Variants in DAB1 observed in about 807,000 individuals in gnomAD.
DAB1 encodes DAB adaptor protein 1.
In DAB1, 15 loss-of-function variants were observed where a neutral mutation model predicts 64.6. That is an observed-to-expected ratio of 0.23 (90% CI 0.16 to 0.36). The LOEUF (loss-of-function observed/expected upper bound fraction) is 0.36. Among genes scored for constraint, DAB1 ranks in the 10% least tolerant of loss-of-function variants. DAB1 has a pLI of 1.00. For synonymous variants in DAB1, 235 were observed against 251.9 expected (o/e 0.93, Z 0.64); for missense variants, 596 against 706.7 (o/e 0.84, Z 1.78).
intron 1 of DAB1, among the ~76,000 whole-genome samples, chr1:57,379,128 G>A (rs1328156860): frequency 6.6e-6 from 1 of 151,986 alleles, no homozygotes; most frequent in African/African-American, 2.4e-5. Flanking sequence ...CTAAAGATTA[G>A]AAAGAAGCGG....
chr1:57,579,073 C>T (rs1301242937), intron 7 of DAB1, among the ~76,000 whole-genome samples: 1 of 152,148 alleles, frequency 6.6e-6, no homozygotes, highest in Non-Finnish European at 1.5e-5. Flanking sequence ...TATAAAGATC[C>T]CACAGAGTTT....
chr1:57,264,669 A>C (rs1389135028), intron 2 of DAB1, among the ~76,000 whole-genome samples: 1 of 150,904 alleles, frequency 6.6e-6, no homozygotes, highest in Non-Finnish European at 1.5e-5. Flanking sequence ...ATGACGCCTA[A>C]ACATTGAGAG....
chr1:57,453,409 G>A (rs1239436267), intron 7 of DAB1, among the ~76,000 whole-genome samples: 1 of 152,080 alleles, frequency 6.6e-6, no homozygotes, highest in Admixed American at 6.6e-5. Context: ...CTGGTTAGTT[G>A]GAGAAACATC....
chr1:57,019,127 C>T (rs1646530345), intron 11 of DAB1, among the ~76,000 whole-genome samples: 1 of 152,208 alleles, frequency 6.6e-6, no homozygotes, highest in Admixed American at 6.5e-5. Context: ...TCTATCTTCC[C>T]TGATGAGACT....
At chr1:57,710,327 A>C (rs1413512884) in intron 6 of DAB1, among the ~76,000 whole-genome samples, 2 of 152,176 alleles carry the variant, frequency 1.3e-5, no homozygotes, top group South Asian at 4.1e-4. Flanking sequence ...TTAGAGTTTC[A>C]TACTACGGAA....
chr1:58,247,257 T>TCC (rs1557712867), intron 4 of DAB1, among the ~76,000 whole-genome samples: 6 of 101,440 alleles, frequency 5.9e-5, no homozygotes, highest in East Asian at 9.4e-4. Flanking sequence ...CATTTTTCAT[T>TCC]TCCCCCCCCG....
At chr1:57,877,276 C>T (rs1644061937) in intron 1 of DAB1, among the ~76,000 whole-genome samples, 1 of 152,108 alleles carries the variant, frequency 6.6e-6, no homozygotes. Flanking sequence ...TTTTGAAAGC[C>T]AACTAAAGTT....
intron 5 of DAB1, among the ~76,000 whole-genome samples, chr1:57,911,764 G>A (rs916569012): frequency 1.3e-5 from 2 of 152,182 alleles, no homozygotes; most frequent in African/African-American, 2.4e-5. Context: ...GCATGGGCTG[G>A]TAAGCATCCA....
intron 4 of DAB1, among the ~76,000 whole-genome samples, chr1:57,096,242 A>T (rs780005046): frequency 1.2e-4 from 18 of 152,136 alleles, no homozygotes; most frequent in Non-Finnish European, 2.9e-5. Context: ...GGTTTTTTTC[A>T]AAATCCACAA....
chr1:58,245,544 G>A (rs1481431357), intron 4 of DAB1, among the ~76,000 whole-genome samples: 1 of 152,138 alleles, frequency 6.6e-6, no homozygotes, highest in Non-Finnish European at 1.5e-5. Context: ...CTGCCTCTGG[G>A]TGCTCACAGA....
intron 7 of DAB1, among the ~76,000 whole-genome samples, chr1:57,551,926 C>T (rs1414632284): frequency 6.6e-6 from 1 of 152,184 alleles, no homozygotes; most frequent in African/African-American, 2.4e-5. Context: ...GCTTTGGATG[C>T]AATGAATGAC....
At chr1:57,618,869 G>A (rs1645821706) in intron 7 of DAB1, among the ~76,000 whole-genome samples, 1 of 152,090 alleles carries the variant, frequency 6.6e-6, no homozygotes, top group Non-Finnish European at 1.5e-5. Context: ...ACAGACTGTG[G>A]TCAAATCCTG....
intron 3 of DAB1, among the ~76,000 whole-genome samples, chr1:58,360,342 T>C (rs1303567024): frequency 3.3e-5 from 5 of 152,096 alleles, no homozygotes; most frequent in Non-Finnish European, 5.9e-5. Context: ...TGGCTGATTG[T>C]GGGAACAGCA....
rs151320808 is a variant in DAB1 at position 57,909,428 on chromosome 1, C to T, written n.388-25266G>A. On this transcript the variant is annotated intron_variant and non_coding_transcript_variant, in intron 5 of 20. Coordinates refer to the DAB1 transcript ENST00000485760. Reference sequence around the variant, plus strand: ...TATAATTTTATAGCAGATTTCTGTGCGAGAGAGTCATGAATGTGTTTTCTT... The same window carrying T: ...TATAATTTTATAGCAGATTTCTGTGTGAGAGAGTCATGAATGTGTTTTCTT... Among the ~76,000 whole-genome samples, 762 of 152,118 alleles carry T rather than the reference C, an allele frequency of 5.0e-3. 7 individuals carry two copies. The highest frequency in any genetic ancestry group is 0.017 in the African/African-American group (721 of 41,484).
At chr1:57,937,689 G>A (rs1312553623) in intron 5 of DAB1, among the ~76,000 whole-genome samples, 1 of 152,188 alleles carries the variant, frequency 6.6e-6, no homozygotes, top group Non-Finnish European at 1.5e-5. Context: ...AAAAATAACA[G>A]CTTCAAAACC....
intron 7 of DAB1, among the ~76,000 whole-genome samples, chr1:57,556,111 T>C (rs756333862): frequency 1.6e-4 from 24 of 152,240 alleles, no homozygotes; most frequent in Non-Finnish European, 3.1e-4. Flanking sequence ...GATTATTTCA[T>C]TCCTTTTTAT....
At chr1:58,285,223 C>T (rs1661655631) in intron 4 of DAB1, among the ~76,000 whole-genome samples, 2 of 152,168 alleles carry the variant, frequency 1.3e-5, no homozygotes, top group Admixed American at 1.3e-4. Context: ...AAGCTGGAAG[C>T]ATTCCCCTTG....
chr1:56,999,575 G>A (rs1435904423), intron 14 of DAB1, among the ~76,000 whole-genome samples: 1 of 152,172 alleles, frequency 6.6e-6, no homozygotes, highest in Non-Finnish European at 1.5e-5. Flanking sequence ...GTGATCTCAA[G>A]GTCATTGTGC....
chr1:57,427,450 T>C (rs1250367494), upstream of DAB1, among the ~76,000 whole-genome samples: 2 of 152,210 alleles, frequency 1.3e-5, no homozygotes, highest in Admixed American at 6.5e-5. Flanking sequence ...ACTATGCACA[T>C]GATTTTCAAG....
Sources: gnomAD v4.1 joint callset for allele counts (sites outside exome capture counted in the v4.1 genomes callset) on GRCh38, gnomAD v4.1.1 for gene constraint, MANE v1.5 for transcripts, NCBI Gene and HGNC (gene_info 2026-07-23, HGNC 2026-07-21) for gene names.